The following CDH18 variants were observed in gnomAD, a reference collection of about 807,000 sequenced individuals.
The protein encoded by CDH18 is cadherin-18.
A neutral mutation model predicts 67.9 loss-of-function variants in CDH18; 31 were observed. The observed-to-expected ratio is 0.46, with a 90% CI of 0.34 to 0.62. The LOEUF (loss-of-function observed/expected upper bound fraction) is 0.62, where lower values mean the gene tolerates loss of function less well. Ranked by LOEUF, CDH18 falls within the 20% of genes least tolerant of loss-of-function variation. CDH18 has a pLI of 0.01. For synonymous variants in CDH18, 362 were observed against 347.2 expected, an observed-to-expected ratio of 1.04 and a Z score of -0.48; for missense variants, 890 against 975.5, an observed-to-expected ratio of 0.91 and a Z score of 1.17.
chr5:20,007,145 A>T (rs1474850040), intron 2 of CDH18, among the ~76,000 whole-genome samples: 1 of 151,942 alleles, frequency 6.6e-6, no homozygotes. Flanking sequence ...AAAAATATAG[A>T]TTATATATAA....
At chr5:19,941,780 C>T (rs1794846832) in intron 2 of CDH18, among the ~76,000 whole-genome samples, 1 of 151,844 alleles carries the variant, frequency 6.6e-6, no homozygotes, top group South Asian at 2.1e-4. Context: ...GAGCAAAACC[C>T]TGCCTCTCAA....
At chr5:20,541,380 T>C (rs1051703253) in intron 1 of CDH18, among the ~76,000 whole-genome samples, 6 of 152,204 alleles carry the variant, frequency 3.9e-5, no homozygotes, top group Non-Finnish European at 8.8e-5. Flanking sequence ...AAACAGATTA[T>C]TGGATAAAAT....
chr5:19,650,999 C>CA (rs1755492551), intron 5 of CDH18, among the ~76,000 whole-genome samples: 1 of 151,668 alleles, frequency 6.6e-6, no homozygotes, highest in Non-Finnish European at 1.5e-5. Context: ...TAAAAGTAGA[C>CA]AAAAAAGAGT....
chr5:20,368,662 T>C (rs1742718245), intron 1 of CDH18, among the ~76,000 whole-genome samples: 2 of 152,160 alleles, frequency 1.3e-5, no homozygotes, highest in African/African-American at 4.8e-5. Flanking sequence ...ATTTGATAAA[T>C]TTTAGCTTTC....
At chr5:20,276,617 T>C (rs1001672423) in intron 1 of CDH18, among the ~76,000 whole-genome samples, 9 of 152,122 alleles carry the variant, frequency 5.9e-5, no homozygotes, top group African/African-American at 2.2e-4. Context: ...GGCTACAGGA[T>C]AAACTTGAGA....
intron 1 of CDH18, among the ~76,000 whole-genome samples, chr5:20,537,374 T>C (rs1236960888): frequency 6.8e-6 from 1 of 147,568 alleles, no homozygotes; most frequent in Non-Finnish European, 1.5e-5. Context: ...ATTATAACAA[T>C]GCTAACATGT....
intron 2 of CDH18, among the ~76,000 whole-genome samples, chr5:20,133,008 A>G (rs1432349839): frequency 2.0e-5 from 3 of 152,124 alleles, no homozygotes; most frequent in South Asian, 4.1e-4. Context: ...GCAGTCTGGA[A>G]GAAGAGTTCT....
Position 20,420,541 on chromosome 5 carries a change from C to T in CDH18, c.-580+154921G>A, listed in dbSNP as rs955769173. ...AAAATAAAGCATTTACTGATAAATACTTGTGAAATAAAATGACTCTAAGTT... is the reference window on the plus strand; with the variant it reads ...AAAATAAAGCATTTACTGATAAATATTTGTGAAATAAAATGACTCTAAGTT... On this transcript the variant is annotated intron_variant, in intron 1 of 14. Transcript: ENST00000507958. Among the ~76,000 whole-genome samples, 67 of 151,056 alleles carry T rather than the reference C, an allele frequency of 4.4e-4. 6 individuals carry two copies. Among genetic ancestry groups the T allele is most frequent in the African/African-American group, 1.6e-3 (65 of 40,418 alleles).
chr5:20,063,898 T>C (rs1742733795), intron 2 of CDH18, among the ~76,000 whole-genome samples: 1 of 152,170 alleles, frequency 6.6e-6, no homozygotes, highest in African/African-American at 2.4e-5. Flanking sequence ...TTGACACCAT[T>C]GTGCTCGGGG....
rs1276490684 is a variant in CDH18 at position 20,319,236 on chromosome 5, C to T, written c.-579-63731G>A. On this transcript the variant is annotated intron_variant, in intron 1 of 14. Coordinates refer to the CDH18 transcript ENST00000507958. ...ATGGAGTGCAGATATGCTAACCTGG[C>T]ACTTGAAGCTCTCCCTGTTTTACCA... 4.6e-5 allele frequency among the ~76,000 whole-genome samples: 7 copies of T among 152,334 alleles called. No individual in the cohort carries two copies. In the East Asian group the frequency reaches 1.3e-3, roughly 29 times the overall value.
intron 3 of CDH18, among the ~76,000 whole-genome samples, chr5:19,834,592 T>A (rs1781418200): frequency 1.3e-5 from 2 of 152,142 alleles, no homozygotes; most frequent in Admixed American, 1.3e-4. Flanking sequence ...TTCTTGCCTC[T>A]TTAGTTCTTT....
In CDH18 at chr5:19,788,001, TTCTTTC is replaced by T. The variant is rs1270247628; in HGVS notation, c.229-40771_229-40766del. On this transcript the variant is annotated intron_variant, in intron 3 of 12. Transcript: ENST00000382275. ...GATTGTGGAAAGTATTCTCCCCCTT[TTCTTTC>T]TCTTTCTCTTTCTTACTTTGTTGGA... Among the ~76,000 whole-genome samples, 26 of 152,216 alleles carry T rather than the reference TTCTTTC, an allele frequency of 1.7e-4. No individual in the cohort carries two copies. The South Asian group carries it at 5.4e-3, about 32-fold the overall frequency.
intron 1 of CDH18, among the ~76,000 whole-genome samples, chr5:20,430,470 G>A (rs1222330921): frequency 6.6e-6 from 1 of 151,900 alleles, no homozygotes; most frequent in Non-Finnish European, 1.5e-5. Flanking sequence ...ACAGGTTTTT[G>A]ATCAGTGGAG....
chr5:19,903,539 GTGTATATATA>G (rs1790164718), intron 2 of CDH18, among the ~76,000 whole-genome samples: 3 of 30,514 alleles, frequency 9.8e-5, no homozygotes, highest in African/African-American at 8.8e-5. Context: ...CTGTGTGTGT[GTGTATATATA>G]TATATATATA....
intron 4 of CDH18, among the ~76,000 whole-genome samples, chr5:19,746,637 G>T (rs1053640894): frequency 6.6e-6 from 1 of 152,048 alleles, no homozygotes; most frequent in Non-Finnish European, 1.5e-5. Flanking sequence ...TAGAATTCAC[G>T]TGATAGAAGA....
At chr5:19,602,170 C>T (rs1294977991) in intron 6 of CDH18, among the ~76,000 whole-genome samples, 1 of 152,046 alleles carries the variant, frequency 6.6e-6, no homozygotes, top group African/African-American at 2.4e-5. Context: ...TCTCTGTTCA[C>T]AGATGACATG....
At chr5:19,909,845 T>A (rs1477715060) in intron 2 of CDH18, among the ~76,000 whole-genome samples, 1 of 152,160 alleles carries the variant, frequency 6.6e-6, no homozygotes, top group Non-Finnish European at 1.5e-5. Flanking sequence ...AAAATCAGTA[T>A]GGTGTGATGA....
chr5:20,161,103 C>T (rs1482655776), intron 2 of CDH18, among the ~76,000 whole-genome samples: 1 of 152,102 alleles, frequency 6.6e-6, no homozygotes, highest in African/African-American at 2.4e-5. Context: ...TACAACTTGG[C>T]CATTTACATA....
At chr5:19,906,278 A>AAC (rs770362486) in intron 2 of CDH18, among the ~76,000 whole-genome samples, 1 of 151,962 alleles carries the variant, frequency 6.6e-6, no homozygotes. Flanking sequence ...CCTTCGAATA[A>AAC]ACACCTTCTA....
Sources: allele counts gnomAD v4.1 joint callset (sites outside exome capture counted in the v4.1 genomes callset), GRCh38; gene constraint gnomAD v4.1.1; transcripts MANE v1.5; gene names NCBI Gene and HGNC (gene_info 2026-07-23, HGNC 2026-07-21).